EYS: variants seen among roughly 807,000 people sequenced by gnomAD.
The protein encoded by EYS is protein eyes shut homolog.
Under a neutral mutation model 282.1 loss-of-function variants are expected in EYS, and 250 were observed. The observed-to-expected ratio is 0.89, with a 90% CI of 0.80 to 0.98. EYS has a LOEUF of 0.98. Among genes scored for constraint, EYS ranks in the 50% least tolerant of loss-of-function variants. The probability of loss-of-function intolerance (pLI) is 0.00; values close to 1 mark genes in which losing one functional copy is unlikely to be tolerated. For synonymous variants in EYS, 1,355 were observed against 1,282.9 expected (o/e 1.06, Z -1.20); for missense variants, 4,016 against 3,709.0 (o/e 1.08, Z -2.15).
At chr6:64,599,720 A>G (rs1250619125) in intron 24 of EYS, among the ~76,000 whole-genome samples, 1 of 152,178 alleles carries the variant, frequency 6.6e-6, no homozygotes, top group Non-Finnish European at 1.5e-5. Flanking sequence ...CTGGTAATAG[A>G]GCTAGAAAAT....
At position 64,802,023 on chromosome 6, in the gene EYS, C is replaced by CTTTTTTTTTTTTTTTTTTTTTTTT. The variant is rs1199002175; in HGVS notation, c.3443+11354_3443+11355insAAAAAAAAAAAAAAAAAAAAAAAA. Reference sequence around the variant, plus strand: ...AGAGAGTTATAACAAATTTCTTTTTCTTTTTTTTTCTTTTTTTTTTTTTTT... The same window carrying CTTTTTTTTTTTTTTTTTTTTTTTT: ...AGAGAGTTATAACAAATTTCTTTTTCTTTTTTTTTTTTTTTTTTTTTTTTTTTTTTTTTCTTTTTTTTTTTTTTT... On this transcript the variant is annotated intron_variant, in intron 22 of 42. Transcript: ENST00000503581. Among the ~76,000 whole-genome samples the CTTTTTTTTTTTTTTTTTTTTTTTT allele has an allele frequency of 1.1e-4, 8 of 70,780 alleles. 3 individuals carry two copies. The highest frequency in any genetic ancestry group is 1.1e-4 in the Non-Finnish European group (4 of 37,032). 46.4% of individuals were successfully genotyped at this position (70,780 alleles called of 152,430 possible).
intron 12 of EYS, among the ~76,000 whole-genome samples, chr6:65,186,840 T>C (rs571223262): frequency 3.3e-5 from 5 of 151,798 alleles, no homozygotes; most frequent in African/African-American, 4.8e-5. Flanking sequence ...AATTTTGACA[T>C]ACTATTGTCT....
At chr6:65,516,201 T>A (rs537014903) in intron 2 of EYS, among the ~76,000 whole-genome samples, 1 of 152,234 alleles carries the variant, frequency 6.6e-6, no homozygotes, top group Non-Finnish European at 1.5e-5. Context: ...TTAATTTTTG[T>A]ATAATGTGAC....
chr6:65,330,400 T>C (rs565288901), intron 11 of EYS: 38 of 984,352 alleles, frequency 3.9e-5, no homozygotes, highest in Non-Finnish European at 4.5e-5. Context: ...AGTCTGGGCA[T>C]GGTATTAAGA....
At chr6:64,494,438 T>C (rs1160017018) in intron 26 of EYS, among the ~76,000 whole-genome samples, 1 of 151,714 alleles carries the variant, frequency 6.6e-6, no homozygotes, top group East Asian at 1.9e-4. Flanking sequence ...GTACCCTTCA[T>C]ATACTGTGTA....
intron 26 of EYS, among the ~76,000 whole-genome samples, chr6:64,498,329 T>G (rs1375517646): frequency 1.3e-5 from 2 of 152,184 alleles, no homozygotes; most frequent in Non-Finnish European, 2.9e-5. Context: ...TAATAGGTCC[T>G]GAAAACAATT....
intron 37 of EYS, among the ~76,000 whole-genome samples, chr6:63,794,451 A>T (rs1582214049): frequency 6.6e-6 from 1 of 152,222 alleles, no homozygotes; most frequent in East Asian, 1.9e-4. Context: ...CAACTAAAAA[A>T]TTTTGGAGGA....
At chr6:65,347,149 G>T (rs1582168395) in intron 9 of EYS, among the ~76,000 whole-genome samples, 1 of 151,808 alleles carries the variant, frequency 6.6e-6, no homozygotes, top group African/African-American at 2.4e-5. Flanking sequence ...TGCCAGCAAT[G>T]GATAGTCATT....
intron 29 of EYS, among the ~76,000 whole-genome samples, chr6:64,348,144 C>A (rs569939557): frequency 6.6e-6 from 1 of 151,310 alleles, no homozygotes; most frequent in Non-Finnish European, 1.5e-5. Flanking sequence ...ATACTAATAG[C>A]AATAATTTTA....
intron 31 of EYS, among the ~76,000 whole-genome samples, chr6:64,112,061 C>G (rs1191289566): frequency 6.6e-6 from 1 of 151,938 alleles, no homozygotes; most frequent in African/African-American, 2.4e-5. Flanking sequence ...TTTGTCATCC[C>G]TTACATTACT....
intron 33 of EYS, among the ~76,000 whole-genome samples, chr6:64,002,464 T>A (rs1768141573): frequency 6.6e-6 from 1 of 152,094 alleles, no homozygotes; most frequent in African/African-American, 2.4e-5. Context: ...ATAGCAAAGC[T>A]AAAGGAGCAC....
intron 38 of EYS, 62 bp from the exon 39 acceptor site, chr6:63,788,311 A>C: frequency 1.5e-6 from 2 of 1,322,446 alleles, no homozygotes; most frequent in Non-Finnish European, 2.1e-6. Flanking sequence ...AAATGTTAAG[A>C]TACTCTTTTG....
At chr6:65,029,400 T>G (rs1772527210) in intron 13 of EYS, among the ~76,000 whole-genome samples, 1 of 152,168 alleles carries the variant, frequency 6.6e-6, no homozygotes, top group Admixed American at 6.5e-5. Context: ...TTGTAGGAAT[T>G]ATATAAATAC....
rs937888425 is a variant in EYS, at chr6:64,593,111, A to G, written c.3877+6T>C. On this transcript the variant is annotated splice_donor_region_variant and intron_variant, in intron 25 of 42. Coordinates refer to ENST00000503581, the MANE Select transcript of EYS (RefSeq NM_001142800.2). ...ACTTCTTAATATCTTACCCACTTCT[A>G]CTTACCTTGATCAACTGGGTAAGTG... 32 of 1,509,426 alleles carry G rather than the reference A, an allele frequency of 2.1e-5. No individual in the cohort carries two copies. The highest frequency in any genetic ancestry group is 2.7e-5 in the Non-Finnish European group (31 of 1,131,450). The allele number at this position is 1,509,426 out of a possible 1,614,324, so 93.5% of individuals were successfully genotyped here.
chr6:64,419,217 A>G (rs1300558689), intron 28 of EYS, among the ~76,000 whole-genome samples: 1 of 152,158 alleles, frequency 6.6e-6, no homozygotes, highest in Non-Finnish European at 1.5e-5. Context: ...AAAAAGTTTA[A>G]CTGACTCACA....
Position 65,391,167 on chromosome 6 carries a change from G to C in EYS, c.1185-6667C>G, listed in dbSNP as rs1582229653. The stretch of plus-strand genomic sequence containing the variant: ...GAAGGAAGAAAGTTTATACTGATGA[G>C]AACATATGTTCTTAAATGAGGCATT... On this transcript the variant is annotated intron_variant, in intron 7 of 42. Coordinates refer to ENST00000503581, the MANE Select transcript of EYS (RefSeq NM_001142800.2). 2.0e-5 allele frequency among the ~76,000 whole-genome samples: 3 copies of C among 152,080 alleles called. No individual in the cohort carries two copies. The South Asian group carries it at 6.2e-4, about 32-fold the overall frequency.
chr6:63,790,358 A>G (rs1469376221), intron 37 of EYS, among the ~76,000 whole-genome samples: 1 of 152,208 alleles, frequency 6.6e-6, no homozygotes, highest in African/African-American at 2.4e-5. Flanking sequence ...AGTGGAAGAC[A>G]GAAATATTAT....
chr6:64,472,030 C>T (rs1288535126), intron 26 of EYS, among the ~76,000 whole-genome samples: 1 of 152,144 alleles, frequency 6.6e-6, no homozygotes, highest in Non-Finnish European at 1.5e-5. Flanking sequence ...TTGATCATTA[C>T]ACATTGTGTA....
At chr6:63,776,888 C>T (rs746108369) in intron 40 of EYS, among the ~76,000 whole-genome samples, 6 of 152,172 alleles carry the variant, frequency 3.9e-5, no homozygotes, top group African/African-American at 9.7e-5. Context: ...AGAATGACTA[C>T]AACTCTTTAG....
Sources: allele counts gnomAD v4.1 joint callset (sites outside exome capture counted in the v4.1 genomes callset), GRCh38; gene constraint gnomAD v4.1.1; transcripts MANE v1.5; gene names NCBI Gene and HGNC (gene_info 2026-07-23, HGNC 2026-07-21).